Variants in IMPG2 observed in about 807,000 individuals in gnomAD.
IMPG2 encodes IPM 200.
Under a neutral mutation model 129.2 loss-of-function variants are expected in IMPG2, and 91 were observed. That is an observed-to-expected ratio of 0.70 (90% CI 0.59 to 0.84). IMPG2 has a LOEUF of 0.84. Ranked by LOEUF, IMPG2 falls within the 40% of genes least tolerant of loss-of-function variation. The pLI, the probability that IMPG2 is intolerant of heterozygous loss-of-function variation, is 0.00. For synonymous variants in IMPG2, 510 were observed against 517.7 expected (o/e 0.99, Z 0.20); for missense variants, 1,430 against 1,461.7 (o/e 0.98, Z 0.35).
chr3:101,225,621 C>A lies in IMPG2; in HGVS notation c.*1348G>T, dbSNP rs1706213127. 1 of 152,056 alleles carries A rather than the reference C, an allele frequency of 6.6e-6. No homozygotes were observed. The highest frequency in any genetic ancestry group is 1.5e-5 in the Non-Finnish European group (1 of 68,016). The allele number at this position is 152,056 out of a possible 1,614,324, so 9.4% of individuals were successfully genotyped here. On this transcript the variant is annotated 3_prime_UTR_variant, in exon 19 of 19. Transcript: ENST00000193391. ...TGAACCAAGTATTTTATCTTATGGT[C>A]AGTTTATACTGGTTATTTATATCTG...
At chr3:101,311,806 A>T (rs565305515) in intron 2 of IMPG2, among the ~76,000 whole-genome samples, 6 of 152,160 alleles carry the variant, frequency 3.9e-5, no homozygotes, top group African/African-American at 1.4e-4. Context: ...ATTTCAAAAC[A>T]TACTAAAAGC....
intron 11 of IMPG2, among the ~76,000 whole-genome samples, chr3:101,249,454 G>A (rs1278781308): frequency 1.3e-5 from 2 of 151,898 alleles, no homozygotes; most frequent in African/African-American, 2.4e-5. Flanking sequence ...TATCATTCTG[G>A]CTAAATGTAA....
intron 11 of IMPG2, among the ~76,000 whole-genome samples, chr3:101,253,322 T>A (rs1380699878): frequency 2.6e-5 from 4 of 152,152 alleles, no homozygotes; most frequent in African/African-American, 9.7e-5. Flanking sequence ...AAACAAAAAA[T>A]CTACGCTCTA....
At position 101,228,787 on chromosome 3, in the gene IMPG2, A is replaced by C; in HGVS notation, c.3713+10T>G. On this transcript the variant is annotated intron_variant, in intron 18 of 18. Transcript: ENST00000193391. ...GTAGGTCGGGGTGGGGGGCTGTTTC[A>C]AAAGCTTACACTTGTTGCTCTCTCA... 6.2e-7 allele frequency: 1 copy of C among 1,612,288 alleles called. No individual in the cohort carries two copies. Among genetic ancestry groups the C allele is most frequent in the Non-Finnish European group, 8.5e-7 (1 of 1,178,392 alleles).
chr3:101,261,368 C>A (rs145406944), intron 9 of IMPG2, among the ~76,000 whole-genome samples: 28 of 152,190 alleles, frequency 1.8e-4, no homozygotes, highest in African/African-American at 5.8e-4. Flanking sequence ...GAGAGTCAAG[C>A]ATTTACTGGG....
At chr3:101,277,624 G>A (rs1706851969) in intron 4 of IMPG2, among the ~76,000 whole-genome samples, 1 of 152,170 alleles carries the variant, frequency 6.6e-6, no homozygotes, top group South Asian at 2.1e-4. Flanking sequence ...ATTATTTGCT[G>A]TAGGCCCCAT....
chr3:101,292,789 A>G (rs967912066), intron 3 of IMPG2, among the ~76,000 whole-genome samples: 2 of 152,152 alleles, frequency 1.3e-5, no homozygotes, highest in African/African-American at 4.8e-5. Context: ...TTATCAACTG[A>G]GTTTATCTAA....
chr3:101,260,111 G>A (rs902512071), intron 9 of IMPG2, among the ~76,000 whole-genome samples: 1 of 152,034 alleles, frequency 6.6e-6, no homozygotes, highest in Non-Finnish European at 1.5e-5. Context: ...ACACACCCTG[G>A]ACTGCAGGGA....
intron 3 of IMPG2, among the ~76,000 whole-genome samples, chr3:101,297,269 A>G (rs985479283): frequency 1.3e-5 from 2 of 151,988 alleles, no homozygotes; most frequent in Non-Finnish European, 2.9e-5. Flanking sequence ...TATTGTGTCT[A>G]TTTGAGTCTT....
intron 7 of IMPG2, among the ~76,000 whole-genome samples, chr3:101,273,106 AT>A (rs1333954615): frequency 1.3e-5 from 2 of 152,176 alleles, no homozygotes; most frequent in African/African-American, 4.8e-5. Flanking sequence ...TAGGAGAAAC[AT>A]TTATTTTTCA....
At chr3:101,279,456 C>A (rs750538691) in intron 4 of IMPG2, among the ~76,000 whole-genome samples, 6 of 152,184 alleles carry the variant, frequency 3.9e-5, no homozygotes, top group Non-Finnish European at 8.8e-5. Context: ...GTGATCCCTA[C>A]TCTTTAGAAG....
At chr3:101,306,251 T>C (rs1336669283) in intron 2 of IMPG2, among the ~76,000 whole-genome samples, 2 of 152,232 alleles carry the variant, frequency 1.3e-5, no homozygotes, top group Non-Finnish European at 2.9e-5. Flanking sequence ...TGTTCAATTC[T>C]AATTGTCCAA....
At chr3:101,300,509 A>G (rs774211819) in intron 3 of IMPG2, among the ~76,000 whole-genome samples, 1 of 152,214 alleles carries the variant, frequency 6.6e-6, no homozygotes, top group Non-Finnish European at 1.5e-5. Flanking sequence ...TTGGGACCCT[A>G]GGCCCCGGAG....
intron 3 of IMPG2, among the ~76,000 whole-genome samples, chr3:101,293,922 T>C (rs1227958034): frequency 6.6e-6 from 1 of 152,222 alleles, no homozygotes; most frequent in Middle Eastern, 3.2e-3. Flanking sequence ...AGTGAAGCCT[T>C]GCTCTGGATC....
At chr3:101,286,189 G>A (rs965651589) in intron 4 of IMPG2, among the ~76,000 whole-genome samples, 9 of 152,052 alleles carry the variant, frequency 5.9e-5, no homozygotes, top group Non-Finnish European at 1.2e-4. Context: ...CTAGAACAAT[G>A]TCTGGCCTAT....
chr3:101,278,763 A>T (rs1706863749), intron 4 of IMPG2, among the ~76,000 whole-genome samples: 2 of 152,164 alleles, frequency 1.3e-5, no homozygotes, highest in Non-Finnish European at 2.9e-5. Context: ...TATCTAAAAA[A>T]GTAAGATGTT....
chr3:101,236,725 G>A (rs1033731914), intron 14 of IMPG2, among the ~76,000 whole-genome samples: 5 of 152,134 alleles, frequency 3.3e-5, no homozygotes, highest in Admixed American at 1.3e-4. Context: ...ATTCCCTTGG[G>A]TGCCTATACC....
intron 9 of IMPG2, among the ~76,000 whole-genome samples, chr3:101,262,399 T>G (rs946997120): frequency 2.6e-5 from 4 of 152,112 alleles, no homozygotes; most frequent in Non-Finnish European, 5.9e-5. Flanking sequence ...TCATAGACTA[T>G]TTCTGTGCTA....
chr3:101,222,751 A>G lies in IMPG2; in HGVS notation c.*4218T>C, dbSNP rs1021272973. The G allele has an allele frequency of 2.0e-5, 3 of 152,226 alleles. No homozygotes were observed. Among genetic ancestry groups the G allele is most frequent in the African/African-American group, 7.2e-5 (3 of 41,476 alleles). The allele number at this position is 152,226 out of a possible 1,614,324, so 9.4% of individuals were successfully genotyped here. On this transcript the variant is annotated 3_prime_UTR_variant, in exon 19 of 19. Transcript: ENST00000193391. ...TGTCATTATAAACAAGGTGAAAAAG[A>G]AAAGTCCTTCATTATCCATACTCGA...
Sources: gnomAD v4.1 joint callset for allele counts (sites outside exome capture counted in the v4.1 genomes callset) on GRCh38, gnomAD v4.1.1 for gene constraint, MANE v1.5 for transcripts, NCBI Gene and HGNC (gene_info 2026-07-23, HGNC 2026-07-21) for gene names.